The following S100A8 variants were observed in gnomAD, a reference collection of about 807,000 sequenced individuals.
The protein encoded by S100A8 is S100 calcium binding protein A8.
In S100A8, 1 loss-of-function variant was observed where a neutral mutation model predicts 4.2. That is an observed-to-expected ratio of 0.24 (90% CI 0.08 to 1.12). The LOEUF (loss-of-function observed/expected upper bound fraction) is 1.12. S100A8 is among the 50% of genes most tolerant of loss of function. S100A8 has a pLI of 0.53. For missense variants in S100A8, 96 were observed against 111.8 expected (o/e 0.86, Z 0.64); for synonymous variants, 41 against 44.7 (o/e 0.92, Z 0.33).
chr1:153,390,620 C>A, intron 1 of S100A8, 63 bp from the exon 2 acceptor site: 1 of 1,579,612 alleles, frequency 6.3e-7, no homozygotes, highest in South Asian at 1.2e-5. Flanking sequence ...CAGGGCAGTA[C>A]GCAGAGGATT....
the S100A8 span, among the ~76,000 whole-genome samples, chr1:153,416,958 T>G: frequency 6.6e-6 from 1 of 152,164 alleles, no homozygotes. Flanking sequence ...CTGTGAATGC[T>G]TTGGAGGCTC....
the S100A8 span, among the ~76,000 whole-genome samples, chr1:153,396,212 T>C: frequency 6.8e-6 from 1 of 147,944 alleles, no homozygotes; most frequent in South Asian, 2.1e-4. Flanking sequence ...TCCCTGGAGA[T>C]AGGAGCTGTG....
chr1:153,420,474 T>A, the S100A8 span: 1 of 152,332 alleles, frequency 6.6e-6, no homozygotes, highest in Admixed American at 6.5e-5. Context: ...AACATTCTTC[T>A]TGGAGGAATC....
chr1:153,406,702 G>A, the S100A8 span, among the ~76,000 whole-genome samples: 6 of 152,284 alleles, frequency 3.9e-5, no homozygotes, highest in South Asian at 4.1e-4. Flanking sequence ...TCCCCAAAAC[G>A]ATAGAGGAGA....
the S100A8 span, among the ~76,000 whole-genome samples, chr1:153,407,449 T>A: frequency 1.3e-5 from 2 of 151,890 alleles, no homozygotes; most frequent in African/African-American, 4.8e-5. Flanking sequence ...GAGGCTTGAG[T>A]AGGTAAACAA....
At chr1:153,400,166 A>C in the S100A8 span, among the ~76,000 whole-genome samples, 1 of 152,192 alleles carries the variant, frequency 6.6e-6, no homozygotes, top group African/African-American at 2.4e-5. Flanking sequence ...TGATACACAA[A>C]CAAGAGAGGA....
At chr1:153,410,484 A>G in the S100A8 span, among the ~76,000 whole-genome samples, 2 of 152,240 alleles carry the variant, frequency 1.3e-5, no homozygotes, top group Non-Finnish European at 2.9e-5. Flanking sequence ...TGAGGCAATA[A>G]TTAATAGCCT....
chr1:153,407,169 G>A, the S100A8 span, among the ~76,000 whole-genome samples: 2 of 152,206 alleles, frequency 1.3e-5, no homozygotes, highest in Non-Finnish European at 2.9e-5. Flanking sequence ...AGCAGGGTGA[G>A]CATCACCTCA....
At chr1:153,419,651 G>T in the S100A8 span, 1 of 299,820 alleles carries the variant, frequency 3.3e-6, no homozygotes, top group Non-Finnish European at 6.2e-6. Flanking sequence ...TGCTCTCCTT[G>T]TCAAGGCATG....
chr1:153,393,038 T>C (rs940818219), upstream of S100A8, among the ~76,000 whole-genome samples: 3 of 152,216 alleles, frequency 2.0e-5, no homozygotes, highest in African/African-American at 7.2e-5. Context: ...ACTATTATAA[T>C]GCCCATTGTA....
chr1:153,412,021 A>G, the S100A8 span, among the ~76,000 whole-genome samples: 15 of 152,380 alleles, frequency 9.8e-5, no homozygotes, highest in South Asian at 2.1e-4. Context: ...ACCTAAAACC[A>G]TAGAAACCCT....
Position 153,390,128 on chromosome 1 carries a change from C to A in S100A8, c.257G>T (p.Ser86Ile), listed in dbSNP as rs768804006. ...CTACTCTTTGTGGCTTTCTTCATGG[C>A]TTTTTTTGTGGGCTGCCACGCCCAT... ...IKMGVAAHKK[S>I]HEESHKE Residue 86 changes from serine (S) to isoleucine (I), a missense_variant, in exon 3 of 3, where the codon AGC (serine) becomes ATC (isoleucine). Physicochemically the swap from Ser to Ile is moderately radical, Grantham distance 142 (BLOSUM62 -2). Transcript: ENST00000368733. 1 of 1,613,700 alleles carries A rather than the reference C, an allele frequency of 6.2e-7. No individual in the cohort carries two copies. Among genetic ancestry groups the A allele is most frequent in the African/African-American group, 1.3e-5 (1 of 74,854 alleles).
chr1:153,407,046 A>G, the S100A8 span, among the ~76,000 whole-genome samples: 1 of 152,212 alleles, frequency 6.6e-6, no homozygotes, highest in Non-Finnish European at 1.5e-5. Context: ...CTCCCAGCGA[A>G]GCAGAAGACA....
At chr1:153,390,986 G>T in intron 1 of S100A8, 55 bp downstream of exon 1, 3 of 988,678 alleles carry the variant, frequency 3.0e-6, no homozygotes, top group Non-Finnish European at 3.6e-6. Context: ...CCACTTCCCT[G>T]ACCCTCCCCA....
upstream of S100A8, among the ~76,000 whole-genome samples, chr1:153,393,078 A>C (rs546029192): frequency 1.3e-5 from 2 of 152,162 alleles, no homozygotes; most frequent in Non-Finnish European, 2.9e-5. Flanking sequence ...CCACAGAGAG[A>C]CATAGTAATT....
upstream of S100A8, among the ~76,000 whole-genome samples, chr1:153,394,228 G>T (rs1334820057): frequency 2.0e-5 from 3 of 152,206 alleles, no homozygotes; most frequent in Non-Finnish European, 2.9e-5. Context: ...TGAGGACAGA[G>T]CAGGCAGAGC....
the S100A8 span, among the ~76,000 whole-genome samples, chr1:153,398,423 T>G: frequency 1.1e-4 from 17 of 152,016 alleles, no homozygotes; most frequent in Non-Finnish European, 1.6e-4. Flanking sequence ...CTGCTATCCT[T>G]CCCCCGGGCA....
rs551180231 is a variant in S100A8, at chr1:153,390,789, G to A, written c.-22-232C>T. 2.3e-4 allele frequency: 131 copies of A among 572,614 alleles called. No homozygotes were observed. In the East Asian group the frequency reaches 2.4e-3, roughly 10 times the overall value. The allele number at this position is 572,614 out of a possible 1,614,324, so 35.5% of individuals were successfully genotyped here. A position where few individuals can be genotyped will look rare whatever the true frequency, so the allele number is the denominator to read the frequency against. ...AGACATGTGCACACACACGGGGCCC[G>A]TAGACTTTCCTTACCACCCCACCCT... On this transcript the variant is annotated intron_variant, in intron 1 of 2. Coordinates refer to ENST00000368733, the MANE Select transcript of S100A8 (RefSeq NM_002964.5).
the S100A8 span, chr1:153,419,208 A>G: frequency 1.9e-6 from 3 of 1,614,180 alleles, no homozygotes; most frequent in South Asian, 3.3e-5. Context: ...TGAGGATAAG[A>G]AGATTGATTT....
Sources: allele counts gnomAD v4.1 joint callset (sites outside exome capture counted in the v4.1 genomes callset), GRCh38; gene constraint gnomAD v4.1.1; transcripts MANE v1.5; gene names NCBI Gene and HGNC (gene_info 2026-07-23, HGNC 2026-07-21).